Variants in AXIN1 observed in about 807,000 individuals in gnomAD.
AXIN1 encodes axin-1.
Under a neutral mutation model 76.4 loss-of-function variants are expected in AXIN1, and 30 were observed. The observed-to-expected ratio is 0.39, with a 90% confidence interval of 0.29 to 0.53. The LOEUF (loss-of-function observed/expected upper bound fraction) is 0.53. Among genes scored for constraint, AXIN1 ranks in the 20% least tolerant of loss-of-function variants. AXIN1 has a pLI of 0.66. For synonymous variants in AXIN1, 545 were observed against 501.4 expected, an observed-to-expected ratio of 1.09 and a Z score of -1.16; for missense variants, 1,140 against 1,198.8, an observed-to-expected ratio of 0.95 and a Z score of 0.72.
intron 2 of AXIN1, among the ~76,000 whole-genome samples, chr16:329,804 T>TTG (rs1394893029): frequency 6.6e-6 from 1 of 151,592 alleles, no homozygotes; most frequent in Non-Finnish European, 1.5e-5. Context: ...TTTTTTTTTT[T>TTG]TGTATTTTTT....
At chr16:315,366 A>G (rs992638197) in intron 2 of AXIN1, among the ~76,000 whole-genome samples, 4 of 152,116 alleles carry the variant, frequency 2.6e-5, no homozygotes, top group African/African-American at 9.7e-5. Context: ...ATGGTTTACC[A>G]TTTTCTATGG....
chr16:325,146 C>T lies in AXIN1; in HGVS notation c.879-10463G>A, dbSNP rs371829067. On this transcript the variant is annotated intron_variant, in intron 2 of 10. Transcript: ENST00000262320. Reference sequence around the variant, plus strand: ...CCCCAGGAAACCATCGCCTCAGCCCCGCGGGCGGCCCCGCACCCCAGGAAA... The same window carrying T: ...CCCCAGGAAACCATCGCCTCAGCCCTGCGGGCGGCCCCGCACCCCAGGAAA... 1.0e-3 allele frequency among the ~76,000 whole-genome samples: 152 copies of T among 150,944 alleles called. 3 individuals carry two copies. The South Asian group carries it at 0.025, about 25-fold the overall frequency.
At chr16:339,041 G>C (rs186083345) in intron 2 of AXIN1, among the ~76,000 whole-genome samples, 4 of 151,750 alleles carry the variant, frequency 2.6e-5, no homozygotes, top group African/African-American at 9.7e-5. Context: ...GCCTGGCCAG[G>C]AATCATTTTT....
At chr16:299,098 G>T in intron 5 of AXIN1, 2 of 985,418 alleles carry the variant, frequency 2.0e-6, no homozygotes, top group South Asian at 9.4e-5. Context: ...ACCTTGTACA[G>T]AACGGCTCTT....
At chr16:303,389 T>TC (rs1273799642) in intron 5 of AXIN1, among the ~76,000 whole-genome samples, 1 of 151,850 alleles carries the variant, frequency 6.6e-6, no homozygotes, top group Non-Finnish European at 1.5e-5. Flanking sequence ...AAGTGATTTT[T>TC]TTTTTTTTTG....
intron 2 of AXIN1, among the ~76,000 whole-genome samples, chr16:326,180 C>T (rs111249548): frequency 2.6e-5 from 4 of 151,022 alleles, no homozygotes; most frequent in Non-Finnish European, 5.9e-5. Flanking sequence ...TGGTGAAACC[C>T]CATCTCTACT....
chr16:348,440 CCCACACCAACTT>C (rs2054076268), intron 1 of AXIN1, among the ~76,000 whole-genome samples: 1 of 152,220 alleles, frequency 6.6e-6, no homozygotes, highest in Admixed American at 6.5e-5. Context: ...GAATCTGTCC[CCCACACCAACTT>C]CCTCACATTG....
chr16:342,501 C>G (rs2053949195), intron 2 of AXIN1, among the ~76,000 whole-genome samples: 1 of 152,200 alleles, frequency 6.6e-6, no homozygotes, highest in South Asian at 2.1e-4. Context: ...TCAGTACCCA[C>G]TCTCCTTTTC....
Position 314,617 on chromosome 16 carries a change from G to A in AXIN1, c.945C>T (p.Ala315=), listed in dbSNP as rs2141593413. The A allele has an allele frequency of 6.2e-7, 1 of 1,614,072 alleles. No homozygotes were observed. The highest frequency in any genetic ancestry group is 2.2e-5 in the East Asian group (1 of 44,882). The change falls in exon 3 of 11, where the codon GCC becomes GCT. Residue 315 remains alanine (A), a synonymous_variant. Transcript: ENST00000262320. ...YVNAGYALAP[A]TSANDSEQQS... ...GCTGCTCGCTGTCGTTGGCACTGGT[G>A]GCTGGGGCCAGGGCATAGCCGGCAT...
At chr16:295,120 CA>C (rs1394252509) in intron 7 of AXIN1, among the ~76,000 whole-genome samples, 2 of 142,846 alleles carry the variant, frequency 1.4e-5, no homozygotes, top group Admixed American at 7.1e-5. Context: ...TTTTTTGAGA[CA>C]GAGTTTTGCT....
In AXIN1 at chr16:352,670, A is replaced by C. The variant is rs2054172473; in HGVS notation, c.-383T>G. On this transcript the variant is annotated 5_prime_UTR_variant, in exon 1 of 11. Coordinates refer to ENST00000262320, the MANE Select transcript of AXIN1 (RefSeq NM_003502.4). Reference sequence around the variant, plus strand: ...CGATCGCCTCCCGAGCCAGAGCCCGAGCCAGAGCGCCGAAGCCCAGGCCCG... The same window carrying C: ...CGATCGCCTCCCGAGCCAGAGCCCGCGCCAGAGCGCCGAAGCCCAGGCCCG... 6.4e-6 allele frequency: 1 copy of C among 155,692 alleles called. No homozygotes were observed. Among genetic ancestry groups the C allele is most frequent in the South Asian group, 2.1e-4 (1 of 4,864 alleles). The allele number at this position is 155,692 out of a possible 1,614,324, so 9.6% of individuals were successfully genotyped here.
chr16:293,537 G>A lies in AXIN1; in HGVS notation c.2137C>T (p.Arg713Cys), dbSNP rs745327595. 4 of 1,611,152 alleles carry A rather than the reference G, an allele frequency of 2.5e-6. No individual in the cohort carries two copies. The highest frequency in any genetic ancestry group is 2.7e-5 in the African/African-American group (2 of 74,872). ...GCTCTCTTTTCTTCCTCCTCCAGAC[G>A]TCGGCGCGCCTCCTCCAGCTGGGTT... ...PLTQLEEARRRLEEEEKRASR... is the reference protein window; with the variant it reads ...PLTQLEEARRCLEEEEKRASR... Residue 713 changes from arginine (R) to cysteine (C), a missense_variant, in exon 8 of 11, where the codon CGT (arginine) becomes TGT (cysteine). Arg to Cys is a radical substitution (Grantham distance 180, BLOSUM62 -3). This residue lies in a region of AXIN1 where 429 missense variants were observed against 405.8 expected (regional missense o/e 1.06). Transcript: ENST00000262320. The surrounding 1 kb of genome is among the most constrained non-coding windows in gnomAD (Gnocchi z 4.6).
At chr16:310,173 GA>G in intron 3 of AXIN1, 104 bp from the exon 4 acceptor site, 1 of 1,010,996 alleles carries the variant, frequency 9.9e-7, no homozygotes, top group East Asian at 2.6e-5. Flanking sequence ...AGGCAATGAT[GA>G]GGACACCTGT....
chr16:290,343 AC>A (rs912351334), intron 9 of AXIN1: 12 of 156,166 alleles, frequency 7.7e-5, no homozygotes, highest in Admixed American at 7.4e-4. Context: ...CCTCATGGCC[AC>A]CTGAGCCATG....
At chr16:320,744 T>TATATATATA in intron 2 of AXIN1, among the ~76,000 whole-genome samples, 1 of 50,836 alleles carries the variant, frequency 2.0e-5, no homozygotes, top group Non-Finnish European at 3.7e-5. Flanking sequence ...TATATATATA[T>TATATATATA]TTTTTTTTTT....
chr16:311,310 A>G (rs549949537), intron 3 of AXIN1, among the ~76,000 whole-genome samples: 74 of 151,910 alleles, frequency 4.9e-4, no homozygotes, highest in African/African-American at 1.7e-3. Context: ...GATTACAGGC[A>G]TGCGCCACCG....
At chr16:316,958 A>C (rs2053317001) in intron 2 of AXIN1, among the ~76,000 whole-genome samples, 1 of 152,118 alleles carries the variant, frequency 6.6e-6, no homozygotes, top group Admixed American at 6.5e-5. Flanking sequence ...ACACAAGATA[A>C]CCAAGACACC....
intron 2 of AXIN1, among the ~76,000 whole-genome samples, chr16:344,442 A>AT (rs1394957971): frequency 7.9e-5 from 12 of 151,270 alleles, no homozygotes; most frequent in East Asian, 1.9e-4. Flanking sequence ...AAAAAAAAAA[A>AT]AAATTAACCA....
chr16:334,178 A>AT (rs2053753555), intron 2 of AXIN1, among the ~76,000 whole-genome samples: 4 of 149,282 alleles, frequency 2.7e-5, no homozygotes, highest in African/African-American at 5.0e-5. Flanking sequence ...TGGCACACCA[A>AT]TAACAGCACC....
Sources: gnomAD v4.1 joint callset for allele counts (sites outside exome capture counted in the v4.1 genomes callset) on GRCh38, gnomAD v4.1.1 for gene constraint, gnomAD v4.1.1 regional missense constraint, Gnocchi (gnomAD v3.1) non-coding constraint, MANE v1.5 for transcripts, NCBI Gene and HGNC (gene_info 2026-07-23, HGNC 2026-07-21) for gene names.